Variants in RNLS observed in about 807,000 individuals in gnomAD.
RNLS encodes the protein renalase, FAD dependent amine oxidase, also known as renalase.
A neutral mutation model predicts 39.8 loss-of-function variants in RNLS; 39 were observed. The observed-to-expected ratio is 0.98, with a 90% CI of 0.76 to 1.28. The LOEUF is 1.28. RNLS is among the 50% of genes most tolerant of loss of function. The pLI is 0.00. For synonymous variants in RNLS, 147 were observed against 150.7 expected (o/e 0.98, Z 0.18); for missense variants, 410 against 413.3 (o/e 0.99, Z 0.07).
intron 4 of RNLS, among the ~76,000 whole-genome samples, chr10:88,472,801 C>T (rs1233310200): frequency 6.6e-6 from 1 of 152,158 alleles, no homozygotes; most frequent in Non-Finnish European, 1.5e-5. Context: ...GAATTCAAGT[C>T]TCTAGCACAG....
At chr10:88,461,699 G>A (rs1842939781) in intron 4 of RNLS, among the ~76,000 whole-genome samples, 1 of 152,000 alleles carries the variant, frequency 6.6e-6, no homozygotes, top group South Asian at 2.1e-4. Flanking sequence ...CTTGCTAAAT[G>A]CTAGGAATAT....
the RNLS span, among the ~76,000 whole-genome samples, chr10:88,255,859 C>T: frequency 1.3e-5 from 2 of 152,240 alleles, no homozygotes. Context: ...CAGCACATCT[C>T]TTCAGAAATG....
chr10:88,351,278 G>T (rs1848687264), intron 5 of RNLS, among the ~76,000 whole-genome samples: 1 of 152,028 alleles, frequency 6.6e-6, no homozygotes, highest in Non-Finnish European at 1.5e-5. Context: ...CATTGCTTTT[G>T]GTGCTTTAGA....
At chr10:88,258,719 C>A in the RNLS span, among the ~76,000 whole-genome samples, 3 of 152,178 alleles carry the variant, frequency 2.0e-5, no homozygotes, top group Non-Finnish European at 4.4e-5. Flanking sequence ...TGGGAATAAA[C>A]CCCAGGCCTA....
chr10:88,454,694 T>C (rs1374287797), intron 4 of RNLS, among the ~76,000 whole-genome samples: 3 of 152,158 alleles, frequency 2.0e-5, no homozygotes, highest in African/African-American at 7.2e-5. Context: ...TTAAAGTCAA[T>C]TACAACTCAA....
intron 6 of RNLS, among the ~76,000 whole-genome samples, chr10:88,287,841 CACCTCCCACCAGGT>C (rs1263241888): frequency 6.6e-6 from 1 of 151,990 alleles, no homozygotes; most frequent in African/African-American, 2.4e-5. Flanking sequence ...ATGATCCAAT[CACCTCCCACCAGGT>C]ACCTCCCTCA....
At chr10:88,232,810 T>C in the RNLS span, among the ~76,000 whole-genome samples, 1 of 152,198 alleles carries the variant, frequency 6.6e-6, no homozygotes, top group Non-Finnish European at 1.5e-5. Flanking sequence ...CTTGCCTGCA[T>C]TTCTAAGTCT....
the RNLS span, among the ~76,000 whole-genome samples, chr10:88,189,526 G>T: frequency 1.3e-5 from 2 of 152,282 alleles, no homozygotes; most frequent in African/African-American, 4.8e-5. Context: ...AATCAGGGAG[G>T]GAGAGAGGAA....
intron 4 of RNLS, among the ~76,000 whole-genome samples, chr10:88,437,820 C>T (rs1224823042): frequency 6.6e-6 from 1 of 152,062 alleles, no homozygotes; most frequent in African/African-American, 2.4e-5. Context: ...AAAGGTTTCT[C>T]CACTCCTAAG....
chr10:88,276,083 C>T lies in RNLS; in HGVS notation c.877-1051G>A, dbSNP rs546768175. ...AATAACAAAACAAAACAAAAACATG[C>T]GAATAATAAAAAACAAAAAATAAAA... On this transcript the variant is annotated intron_variant, in intron 6 of 6. Transcript: ENST00000371947. 7.8e-4 allele frequency among the ~76,000 whole-genome samples: 119 copies of T among 151,934 alleles called. 4 individuals are homozygous for T. In the South Asian group the frequency reaches 0.018, roughly 23 times the overall value.
chr10:88,187,946 C>T, the RNLS span, among the ~76,000 whole-genome samples: 2 of 152,312 alleles, frequency 1.3e-5, no homozygotes, highest in South Asian at 4.1e-4. Flanking sequence ...GGACATTTAG[C>T]ATTAAATCTG....
the RNLS span, among the ~76,000 whole-genome samples, chr10:88,234,739 T>G: frequency 6.6e-6 from 1 of 152,070 alleles, no homozygotes; most frequent in African/African-American, 2.4e-5. Flanking sequence ...AAAGAGACAG[T>G]AACAAAGCAG....
chr10:88,570,801 G>C lies in RNLS; in HGVS notation c.526+2102C>G, dbSNP rs79726952. On this transcript the variant is annotated intron_variant, in intron 4 of 6. Coordinates refer to ENST00000331772, the MANE Select transcript of RNLS (RefSeq NM_001031709.3). ...TATAATTCTTGTTCCACGGGGTTGG[G>C]GAATTAAAAACAGGGCACTTCAGTC... 7.6e-3 allele frequency among the ~76,000 whole-genome samples: 1,150 copies of C among 152,144 alleles called. 16 individuals are homozygous for C. Among genetic ancestry groups the C allele is most frequent in the African/African-American group, 0.026 (1,086 of 41,506 alleles).
chr10:88,182,912 A>G, the RNLS span, among the ~76,000 whole-genome samples: 3 of 152,250 alleles, frequency 2.0e-5, no homozygotes, highest in African/African-American at 2.4e-5. Context: ...ATTGGGAGTT[A>G]GACAGACTGG....
At chr10:88,321,349 TAGAA>T (rs1256846938) in intron 5 of RNLS, among the ~76,000 whole-genome samples, 3 of 152,050 alleles carry the variant, frequency 2.0e-5, no homozygotes, top group Admixed American at 2.0e-4. Context: ...ATCAAAAAGA[TAGAA>T]AGATCTCAGA....
intron 3 of RNLS, 140 bp downstream of exon 3, chr10:88,581,427 T>A: frequency 1.7e-6 from 1 of 573,614 alleles, no homozygotes; most frequent in Non-Finnish European, 2.8e-6. Flanking sequence ...ATGATTACTT[T>A]GGGGAAGGAC....
chr10:88,524,931 CATAT>C (rs1293210234), intron 4 of RNLS, among the ~76,000 whole-genome samples: 1 of 104,722 alleles, frequency 9.5e-6, no homozygotes, highest in Non-Finnish European at 1.9e-5. Context: ...CCATGTATGC[CATAT>C]ATATATATAT....
At chr10:88,320,114 C>A (rs534988138) in intron 5 of RNLS, among the ~76,000 whole-genome samples, 4 of 148,014 alleles carry the variant, frequency 2.7e-5, no homozygotes, top group African/African-American at 1.0e-4. Context: ...GCCTTACAAG[C>A]AAGAAGAGAT....
At chr10:88,324,427 C>CA (rs57362184) in intron 5 of RNLS, among the ~76,000 whole-genome samples, 4,474 of 78,418 alleles carry the variant, frequency 0.057, 163 homozygotes, top group African/African-American at 0.14. Flanking sequence ...GTGTCCTTTG[C>CA]AAAAAAAAAA....
Sources: gnomAD v4.1 joint callset for allele counts (sites outside exome capture counted in the v4.1 genomes callset) on GRCh38, gnomAD v4.1.1 for gene constraint, MANE v1.5 for transcripts, NCBI Gene and HGNC (gene_info 2026-07-23, HGNC 2026-07-21) for gene names.